The following MIDEAS variants were observed in gnomAD, a reference collection of about 807,000 sequenced individuals.
MIDEAS encodes the protein mitotic deacetylase associated SANT domain protein, also known as mitotic deacetylase-associated SANT domain protein.
Under a neutral mutation model 102.7 loss-of-function variants are expected in MIDEAS, and 26 were observed. That is an observed-to-expected ratio of 0.25 (90% CI 0.19 to 0.35). The LOEUF is 0.35. MIDEAS is among the 10% of genes least tolerant of loss of function. The pLI is 1.00. For missense variants in MIDEAS, 1,231 were observed against 1,435.6 expected, an observed-to-expected ratio of 0.86 and a Z score of 2.30; for synonymous variants, 585 against 591.0, an observed-to-expected ratio of 0.99 and a Z score of 0.15.
chr14:73,756,295 T>TGTGTGTGCGCGTGCGC (rs55692592), intron 1 of MIDEAS, among the ~76,000 whole-genome samples: 1 of 127,626 alleles, frequency 7.8e-6, no homozygotes, highest in Non-Finnish European at 1.8e-5. Context: ...TGTGTGTGTG[T>TGTGTGTGCGCGTGCGC]GCGCGCGCGC....
At position 73,739,284 on chromosome 14, in the gene MIDEAS, G is replaced by A. The variant is rs2053250024; in HGVS notation, c.725C>T (p.Ala242Val). The A allele has an allele frequency of 6.2e-7, 1 of 1,611,656 alleles. No individual in the cohort carries two copies. Among genetic ancestry groups the A allele is most frequent in the Non-Finnish European group, 8.5e-7 (1 of 1,179,844 alleles). ...QGPPPPNPVA[A>V]FPPQKQQQQQ... is the part of the protein sequence containing the mutation. ...CTGCTGCTGCTTCTGTGGAGGGAAGGCAGCCACCGGGTTTGGGGGCGGTGG... is the reference window on the plus strand; with the variant it reads ...CTGCTGCTGCTTCTGTGGAGGGAAGACAGCCACCGGGTTTGGGGGCGGTGG... The change falls in exon 2 of 13, where the codon GCC becomes GTC. Residue 242 changes from alanine (A) to valine (V), a missense_variant. Ala to Val is a moderately conservative substitution (Grantham distance 64). This residue lies in a region of MIDEAS where 758 missense variants were observed against 856.0 expected (regional missense o/e 0.89). Transcript: ENST00000423556.
intron 4 of MIDEAS, among the ~76,000 whole-genome samples, 177 bp downstream of exon 4, chr14:73,729,463 C>T (rs760110344): frequency 2.0e-4 from 31 of 152,176 alleles, no homozygotes; most frequent in Non-Finnish European, 3.4e-4. Context: ...TGGGCGGGCC[C>T]CCCACCCCTC....
At chr14:73,730,700 C>A (rs889178840) in intron 3 of MIDEAS, among the ~76,000 whole-genome samples, 1 of 150,910 alleles carries the variant, frequency 6.6e-6, no homozygotes, top group Non-Finnish European at 1.5e-5. Context: ...GCGTGGTAAT[C>A]TCAGCACTTT....
At position 73,715,259 on chromosome 14, in the gene MIDEAS, C is replaced by CA. The variant is rs1194959245; in HGVS notation, c.*3583dup. 4.6e-5 allele frequency: 7 copies of CA among 152,294 alleles called. No homozygotes were observed. In the East Asian group the frequency reaches 9.6e-4, roughly 21 times the overall value. The allele number at this position is 152,294 out of a possible 1,614,324, so 9.4% of individuals were successfully genotyped here. A position where few individuals can be genotyped will look rare whatever the true frequency, so the allele number is the denominator to read the frequency against. On this transcript the variant is annotated 3_prime_UTR_variant, in exon 13 of 13. Transcript: ENST00000423556. ...TAATTTTTTTCTTATAAAAAGCACA[C>CA]AAAAAATAAAATCTTCAGTCTCTAT...
In MIDEAS at chr14:73,750,729, G is replaced by A. The variant is rs1221718851; in HGVS notation, c.-248+9034C>T. On this transcript the variant is annotated intron_variant, in intron 1 of 12. Coordinates refer to ENST00000423556, the MANE Select transcript of MIDEAS (RefSeq NM_001367710.1). The stretch of plus-strand genomic sequence containing the variant: ...CAATGTTTACCTACTCCAATTCCTC[G>A]TTCCACAGAGCAGTCCAGAGAAGGA... Among the ~76,000 whole-genome samples the A allele has an allele frequency of 2.6e-5, 4 of 152,310 alleles. No homozygotes were observed. In the East Asian group the frequency reaches 7.7e-4, roughly 29 times the overall value.
intron 11 of MIDEAS, among the ~76,000 whole-genome samples, chr14:73,720,132 G>A (rs2052966127): frequency 6.6e-6 from 1 of 151,974 alleles, no homozygotes; most frequent in African/African-American, 2.4e-5. Context: ...GCGCTACACA[G>A]AGCACAGCTC....
intron 1 of MIDEAS, among the ~76,000 whole-genome samples, chr14:73,754,277 C>T (rs1238878968): frequency 1.3e-5 from 2 of 152,238 alleles, no homozygotes; most frequent in East Asian, 1.9e-4. Flanking sequence ...TTTTTCCCCT[C>T]CCAACTGTCC....
At position 73,716,207 on chromosome 14, in the gene MIDEAS, C is replaced by T. The variant is rs2052886251; in HGVS notation, c.*2636G>A. On this transcript the variant is annotated 3_prime_UTR_variant, in exon 13 of 13. Transcript: ENST00000423556. ...ACCTGCTTTATTGGCAGGTCACTTG[C>T]CACAATTGCATCTGCCCTCTAAACT... 6.6e-6 allele frequency: 1 copy of T among 152,446 alleles called. No individual in the cohort carries two copies. Among genetic ancestry groups the T allele is most frequent in the South Asian group, 2.1e-4 (1 of 4,834 alleles). The allele number at this position is 152,446 out of a possible 1,614,324, so 9.4% of individuals were successfully genotyped here.
At position 73,719,022 on chromosome 14, in the gene MIDEAS, G is replaced by A. The variant is rs897962495; in HGVS notation, c.3135-14C>T. 1.4e-6 allele frequency: 2 copies of A among 1,467,362 alleles called. No homozygotes were observed. Among genetic ancestry groups the A allele is most frequent in the African/African-American group, 1.4e-5 (1 of 70,348 alleles). The allele number at this position is 1,467,362 out of a possible 1,614,324, so 90.9% of individuals were successfully genotyped here. ...TTGTAAAACACCCTGCAGCCGGGTG[G>A]GGGTTGCTCAGAACCGGCCTAGCCC... On this transcript the variant is annotated splice_polypyrimidine_tract_variant and intron_variant, in intron 12 of 12. Transcript: ENST00000423556.
intron 3 of MIDEAS, among the ~76,000 whole-genome samples, chr14:73,730,725 G>C (rs972388778): frequency 2.6e-5 from 4 of 151,980 alleles, no homozygotes; most frequent in African/African-American, 7.3e-5. Context: ...GGTCGAGGTG[G>C]GGGGGAGGGG....
rs1449968176 is a variant in MIDEAS at position 73,749,711 on chromosome 14, A to G, written c.-247-9456T>C. ...GAAATCACTCAAAGTATGTTCTCCA[A>G]TCAAAACGGGTTGAAATTGGAAATC... On this transcript the variant is annotated intron_variant, in intron 1 of 12. Coordinates refer to ENST00000423556, the MANE Select transcript of MIDEAS (RefSeq NM_001367710.1). Among the ~76,000 whole-genome samples, 12 of 152,024 alleles carry G rather than the reference A, an allele frequency of 7.9e-5. No individual in the cohort carries two copies. The South Asian group carries it at 2.5e-3, about 31-fold the overall frequency.
In MIDEAS at chr14:73,717,725, T is replaced by C. The variant is rs2052913268; in HGVS notation, c.*1118A>G. On this transcript the variant is annotated 3_prime_UTR_variant, in exon 13 of 13. Coordinates refer to ENST00000423556, the MANE Select transcript of MIDEAS (RefSeq NM_001367710.1). ...CCCTGAGAGGATGTTAAAAATTAAA[T>C]ACTAAGAATAAATAAATAGCTCCCA... is the stretch of plus-strand genomic sequence containing the variant. The C allele has an allele frequency of 6.6e-6, 1 of 152,558 alleles. No homozygotes were observed. Among genetic ancestry groups the C allele is most frequent in the African/African-American group, 2.4e-5 (1 of 41,414 alleles). 9.5% of individuals were successfully genotyped at this position (152,558 alleles called of 1,614,324 possible). A position where few individuals can be genotyped will look rare whatever the true frequency, so the allele number is the denominator to read the frequency against.
Position 73,725,200 on chromosome 14 carries a change from TG to T in MIDEAS, c.2574+71del. ...CTGCTTTTTAAGAGGGATTGGTCAC[TG>T]GCAGAGGGAGCCCCAAAGTCACACA... On this transcript the variant is annotated intron_variant, in intron 9 of 12. Coordinates refer to ENST00000423556, the MANE Select transcript of MIDEAS (RefSeq NM_001367710.1). This position sits in a 1 kb window ranked among gnomAD's most constrained non-coding sequence, Gnocchi z 4.1. The T allele has an allele frequency of 8.2e-7, 1 of 1,217,704 alleles. No homozygotes were observed. Among genetic ancestry groups the T allele is most frequent in the Non-Finnish European group, 1.2e-6 (1 of 819,504 alleles). 75.4% of individuals were successfully genotyped at this position (1,217,704 alleles called of 1,614,324 possible). A position where few individuals can be genotyped will look rare whatever the true frequency, so the allele number is the denominator to read the frequency against.
rs1045254019 is a variant in MIDEAS at position 73,779,576 on chromosome 14, T to A, written c.-248+7526A>T. ...TTTGTTTATTATTATTATTATTATTTTTTTTTTTTTTTGAGACGGAGTCTC... is the reference window on the plus strand; with the variant it reads ...TTTGTTTATTATTATTATTATTATTATTTTTTTTTTTTGAGACGGAGTCTC... On this transcript the variant is annotated intron_variant, in intron 1 of 11. Coordinates refer to the MIDEAS transcript ENST00000394071. 3.1e-3 allele frequency among the ~76,000 whole-genome samples: 371 copies of A among 119,914 alleles called. 4 individuals carry two copies. The highest frequency in any genetic ancestry group is 0.01 in the African/African-American group (264 of 25,966). 78.7% of individuals were successfully genotyped at this position (119,914 alleles called of 152,430 possible).
Position 73,742,662 on chromosome 14 carries a change from G to C in MIDEAS, c.-247-2407C>G, listed in dbSNP as rs1348991609. 6.6e-6 allele frequency among the ~76,000 whole-genome samples: 1 copy of C among 152,210 alleles called. No homozygotes were observed. Among genetic ancestry groups the C allele is most frequent in the Non-Finnish European group, 1.5e-5 (1 of 68,026 alleles). ...TTGCTTTGAAGAAATCAGGGGGCCT[G>C]GTTTGGGGAAGGCTGAATCACCCCA... On this transcript the variant is annotated intron_variant, in intron 1 of 12. Coordinates refer to ENST00000423556, the MANE Select transcript of MIDEAS (RefSeq NM_001367710.1). The surrounding 1 kb of genome is among the most constrained non-coding windows in gnomAD (Gnocchi z 4.4).
chr14:73,738,435 T>C, intron 2 of MIDEAS, 125 bp downstream of exon 2: 1 of 1,211,554 alleles, frequency 8.3e-7, no homozygotes, highest in South Asian at 1.8e-5. Context: ...TTTGTACTGT[T>C]TTCCCACAGG....
upstream of MIDEAS, among the ~76,000 whole-genome samples, chr14:73,763,465 A>G (rs913961390): frequency 1.4e-4 from 21 of 152,318 alleles, no homozygotes; most frequent in African/African-American, 4.8e-4. Context: ...CCTTCCTCCA[A>G]TAAGTCTGCA....
intron 1 of MIDEAS, among the ~76,000 whole-genome samples, chr14:73,756,307 TGCGC>T (rs1350771766): frequency 6.8e-4 from 71 of 104,828 alleles, no homozygotes; most frequent in African/African-American, 2.6e-3. Flanking sequence ...CGCGCGCGCG[TGCGC>T]GCTGAGGTGG....
intron 1 of MIDEAS, among the ~76,000 whole-genome samples, chr14:73,741,912 C>A (rs901417962): frequency 6.6e-6 from 1 of 152,052 alleles, no homozygotes; most frequent in South Asian, 2.1e-4. Context: ...ATCCAAGTCA[C>A]CCTCACCCCC....
Sources: gnomAD v4.1 joint callset for allele counts (sites outside exome capture counted in the v4.1 genomes callset) on GRCh38, gnomAD v4.1.1 for gene constraint, gnomAD v4.1.1 regional missense constraint, Gnocchi (gnomAD v3.1) non-coding constraint, MANE v1.5 for transcripts, NCBI Gene and HGNC (gene_info 2026-07-23, HGNC 2026-07-21) for gene names.